PDE5A: variants seen among roughly 807,000 people sequenced by gnomAD.
PDE5A encodes the protein phosphodiesterase 5A.
PDE5A carries 67 observed loss-of-function variants against 110.2 expected under a neutral mutation model. The observed-to-expected ratio is 0.61, with a 90% CI of 0.50 to 0.75. The LOEUF is 0.75. Ranked by LOEUF, PDE5A falls within the 30% of genes least tolerant of loss-of-function variation. The pLI, the probability that PDE5A is intolerant of heterozygous loss-of-function variation, is 0.00. For missense variants in PDE5A, 862 were observed against 1,045.1 expected (o/e 0.82, Z 2.42); for synonymous variants, 328 against 351.2 (o/e 0.93, Z 0.74).
chr4:119,553,038 A>G (rs1727413868), intron 8 of PDE5A, among the ~76,000 whole-genome samples: 1 of 152,074 alleles, frequency 6.6e-6, no homozygotes, highest in Non-Finnish European at 1.5e-5. Flanking sequence ...TAATAATACC[A>G]CTGTTGCTAT....
At chr4:119,514,811 A>T (rs1725856791) in intron 14 of PDE5A, among the ~76,000 whole-genome samples, 1 of 152,224 alleles carries the variant, frequency 6.6e-6, no homozygotes, top group African/African-American at 2.4e-5. Flanking sequence ...TAAGCACTTT[A>T]CATCTATTTA....
At chr4:119,563,066 G>A in intron 5 of PDE5A, 96 bp from the exon 6 acceptor site, 1 of 995,114 alleles carries the variant, frequency 1.0e-6, no homozygotes, top group Middle Eastern at 3.3e-4. Flanking sequence ...ATATAACCTA[G>A]CAGGTTATGA....
chr4:119,609,997 T>C (rs1729686883), intron 1 of PDE5A, among the ~76,000 whole-genome samples: 1 of 152,152 alleles, frequency 6.6e-6, no homozygotes, highest in South Asian at 2.1e-4. Context: ...AATAAAGAGG[T>C]ATTACAAATT....
intron 7 of PDE5A, among the ~76,000 whole-genome samples, chr4:119,557,582 TA>T (rs555472325): frequency 1.8e-4 from 26 of 148,562 alleles, no homozygotes; most frequent in East Asian, 1.2e-3. Context: ...CAAAGACAAA[TA>T]AAAAAAAAAT....
At chr4:119,509,609 G>A (rs944967521) in intron 15 of PDE5A, among the ~76,000 whole-genome samples, 27 of 151,910 alleles carry the variant, frequency 1.8e-4, no homozygotes, top group African/African-American at 5.6e-4. Context: ...CAGAGAAGTC[G>A]TGTATGAAAT....
intron 3 of PDE5A, among the ~76,000 whole-genome samples, chr4:119,593,673 C>A (rs565664061): frequency 6.6e-6 from 1 of 152,086 alleles, no homozygotes; most frequent in Non-Finnish European, 1.5e-5. Context: ...GTTACATGAT[C>A]GAATATACAT....
chr4:119,552,978 G>A (rs1265773105), intron 8 of PDE5A, among the ~76,000 whole-genome samples: 1 of 151,932 alleles, frequency 6.6e-6, no homozygotes, highest in Non-Finnish European at 1.5e-5. Flanking sequence ...TAACGAGAGG[G>A]GCAGAATCTA....
At chr4:119,565,589 G>A (rs1309657412) in intron 4 of PDE5A, among the ~76,000 whole-genome samples, 179 bp from the exon 5 acceptor site, 3 of 151,966 alleles carry the variant, frequency 2.0e-5, no homozygotes, top group South Asian at 2.1e-4. Flanking sequence ...AGTCTCCTAA[G>A]GTATAAATTA....
At chr4:119,520,376 G>T (rs922203751) in intron 13 of PDE5A, among the ~76,000 whole-genome samples, 2 of 152,100 alleles carry the variant, frequency 1.3e-5, no homozygotes, top group Non-Finnish European at 2.9e-5. Context: ...ATTTGGCCTG[G>T]AAAGGAACGA....
At chr4:119,502,548 G>T in intron 19 of PDE5A, 33 bp downstream of exon 19, 7 of 1,270,036 alleles carry the variant, frequency 5.5e-6, no homozygotes, top group African/African-American at 1.5e-5. Context: ...AAAACAATTT[G>T]AATAATTCCT....
chr4:119,557,641 T>C (rs1349844779), intron 7 of PDE5A, among the ~76,000 whole-genome samples: 1 of 152,156 alleles, frequency 6.6e-6, no homozygotes, highest in Non-Finnish European at 1.5e-5. Context: ...TGCCAGAAAT[T>C]TTCTGAAGCA....
chr4:119,553,852 G>C, intron 7 of PDE5A, 106 bp from the exon 8 acceptor site: 1 of 650,746 alleles, frequency 1.5e-6, no homozygotes, highest in Non-Finnish European at 2.8e-6. Context: ...TAAATTATAA[G>C]GCATATATAC....
At position 119,627,827 on chromosome 4, in the gene PDE5A, T is replaced by C. The variant is rs1221979232; in HGVS notation, c.152+693A>G. 6.6e-6 allele frequency among the ~76,000 whole-genome samples: 1 copy of C among 152,202 alleles called. No homozygotes were observed. Among genetic ancestry groups the C allele is most frequent in the Non-Finnish European group, 1.5e-5 (1 of 68,012 alleles). ...TGGCCTCTGGGGTCTGCGCTGCCCC[T>C]TGGGGTCCGCTCCAGGCGGCGCCTC... On this transcript the variant is annotated intron_variant, in intron 1 of 20. Transcript: ENST00000354960. The surrounding 1 kb of genome is among the most constrained non-coding windows in gnomAD (Gnocchi z 4.6).
intron 12 of PDE5A, among the ~76,000 whole-genome samples, chr4:119,524,152 T>C (rs1726228311): frequency 1.3e-5 from 2 of 152,030 alleles, no homozygotes; most frequent in Non-Finnish European, 2.9e-5. Flanking sequence ...CACGTATAAT[T>C]CTCGTAAGAC....
At chr4:119,611,386 A>C (rs1336184760) in intron 1 of PDE5A, among the ~76,000 whole-genome samples, 2 of 152,246 alleles carry the variant, frequency 1.3e-5, no homozygotes, top group African/African-American at 4.8e-5. Context: ...TAAATGAATA[A>C]ATAAATGAAG....
intron 3 of PDE5A, chr4:119,569,873 G>A (rs1375296918): frequency 6.6e-6 from 1 of 152,464 alleles, no homozygotes; most frequent in East Asian, 1.9e-4. Flanking sequence ...ATGAGAGGAT[G>A]TGCATAGGTT....
At chr4:119,513,969 T>G (rs1476934126) in intron 14 of PDE5A, among the ~76,000 whole-genome samples, 3 of 152,200 alleles carry the variant, frequency 2.0e-5, no homozygotes, top group Admixed American at 1.3e-4. Flanking sequence ...ATTTCCTGTA[T>G]ATAAAAACAT....
intron 2 of PDE5A, among the ~76,000 whole-genome samples, chr4:119,605,265 T>A (rs1729487390): frequency 6.6e-6 from 1 of 152,186 alleles, no homozygotes; most frequent in Admixed American, 6.5e-5. Flanking sequence ...AACTTCTCTT[T>A]ACCTCTGGAT....
intron 3 of PDE5A, among the ~76,000 whole-genome samples, chr4:119,578,769 T>C (rs1297047386): frequency 3.3e-5 from 5 of 152,110 alleles, no homozygotes; most frequent in Admixed American, 1.3e-4. Context: ...ATTCAGGACA[T>C]AGGCATGGGC....
Sources: allele counts gnomAD v4.1 joint callset (sites outside exome capture counted in the v4.1 genomes callset), GRCh38; gene constraint gnomAD v4.1.1; non-coding constraint Gnocchi (gnomAD v3.1); transcripts MANE v1.5; gene names NCBI Gene and HGNC (gene_info 2026-07-23, HGNC 2026-07-21).